TMEM132C: variants seen among roughly 807,000 people sequenced by gnomAD.
The protein encoded by TMEM132C is protein phosphatase 1, regulatory subunit 152.
Under a neutral mutation model 61.4 loss-of-function variants are expected in TMEM132C, and 29 were observed. The observed-to-expected ratio is 0.47, with a 90% CI of 0.35 to 0.64. TMEM132C has a LOEUF of 0.64. TMEM132C is among the 30% of genes least tolerant of loss of function. The probability of loss-of-function intolerance (pLI) is 0.00; values close to 1 mark genes in which losing one functional copy is unlikely to be tolerated. For synonymous variants in TMEM132C, 656 were observed against 633.1 expected (o/e 1.04, Z -0.54); for missense variants, 1,408 against 1,476.9 (o/e 0.95, Z 0.76).
At chr12:128,478,295 T>C (rs1270648489) in intron 2 of TMEM132C, among the ~76,000 whole-genome samples, 1 of 152,216 alleles carries the variant, frequency 6.6e-6, no homozygotes, top group Non-Finnish European at 1.5e-5. Flanking sequence ...TGTTTTTTTA[T>C]TTTTTTATTT....
intron 3 of TMEM132C, among the ~76,000 whole-genome samples, chr12:128,613,807 T>C (rs1452608229): frequency 2.6e-5 from 4 of 152,238 alleles, no homozygotes; most frequent in Non-Finnish European, 5.9e-5. Flanking sequence ...GCCCTGAAGA[T>C]GGAATGGTGC....
chr12:128,361,143 G>A (rs770026706), intron 1 of TMEM132C, among the ~76,000 whole-genome samples: 9 of 152,264 alleles, frequency 5.9e-5, no homozygotes, highest in East Asian at 1.9e-4. Context: ...TCGTTGCTCC[G>A]AGGAACTCAC....
intron 4 of TMEM132C, among the ~76,000 whole-genome samples, chr12:128,625,244 A>G (rs1954004015): frequency 6.6e-6 from 1 of 152,202 alleles, no homozygotes; most frequent in Non-Finnish European, 1.5e-5. Flanking sequence ...TGGTTTATAA[A>G]TAGTGGACAT....
intron 2 of TMEM132C, among the ~76,000 whole-genome samples, chr12:128,475,939 C>G (rs571132759): frequency 2.6e-5 from 4 of 152,182 alleles, no homozygotes; most frequent in Admixed American, 6.5e-5. Flanking sequence ...TTCACTGTCC[C>G]CCATCCGCTT....
chr12:128,447,003 A>G (rs556069340), intron 2 of TMEM132C, among the ~76,000 whole-genome samples: 24 of 152,288 alleles, frequency 1.6e-4, no homozygotes, highest in African/African-American at 3.8e-4. Context: ...AGCAACAGCA[A>G]TTGGTACACG....
intron 1 of TMEM132C, among the ~76,000 whole-genome samples, chr12:128,334,501 A>AT (rs771594263): frequency 1.3e-5 from 2 of 152,148 alleles, no homozygotes; most frequent in Non-Finnish European, 2.9e-5. Flanking sequence ...TTCTAATGTC[A>AT]TTATCAAAAA....
At chr12:128,271,264 TAATATA>T (rs1342780478) in intron 1 of TMEM132C, among the ~76,000 whole-genome samples, 1 of 92,500 alleles carries the variant, frequency 1.1e-5, no homozygotes, top group Non-Finnish European at 2.1e-5. Flanking sequence ...AAAATAATAA[TAATATA>T]ATAATAATAA....
chr12:128,500,596 C>G (rs1441913940), intron 2 of TMEM132C, among the ~76,000 whole-genome samples: 1 of 151,808 alleles, frequency 6.6e-6, no homozygotes, highest in Non-Finnish European at 1.5e-5. Flanking sequence ...AAAATGGTGC[C>G]CAACATCATT....
In TMEM132C at chr12:128,350,857, A is replaced by G. The variant is rs1463994934; in HGVS notation, c.86-63875A>G. The stretch of plus-strand genomic sequence containing the variant: ...TTGCTATATAAAGGCAGTTACATAT[A>G]TTACTAGAGGCACCAGTAGCTTCCA... On this transcript the variant is annotated intron_variant, in intron 1 of 8. Transcript: ENST00000435159. Among the ~76,000 whole-genome samples, 4 of 151,958 alleles carry G rather than the reference A, an allele frequency of 2.6e-5. No individual in the cohort carries two copies. In the South Asian group the frequency reaches 6.2e-4, roughly 24 times the overall value.
At chr12:128,279,671 A>C (rs899549822) in intron 1 of TMEM132C, among the ~76,000 whole-genome samples, 2 of 152,194 alleles carry the variant, frequency 1.3e-5, no homozygotes, top group Non-Finnish European at 2.9e-5. Context: ...AGATACCCTC[A>C]TGACGCACTT....
At chr12:128,371,804 C>T (rs1216525831) in intron 1 of TMEM132C, among the ~76,000 whole-genome samples, 1 of 152,168 alleles carries the variant, frequency 6.6e-6, no homozygotes, top group Non-Finnish European at 1.5e-5. Context: ...GTCTCAAACT[C>T]TTGGCCTCAG....
At chr12:128,304,224 A>C (rs1871685770) in intron 1 of TMEM132C, among the ~76,000 whole-genome samples, 1 of 122,536 alleles carries the variant, frequency 8.2e-6, no homozygotes, top group South Asian at 2.9e-4. Context: ...TTTTTTCTTT[A>C]CCTGAGAATC....
At chr12:128,545,931 C>T (rs1873935859) in intron 3 of TMEM132C, among the ~76,000 whole-genome samples, 1 of 152,166 alleles carries the variant, frequency 6.6e-6, no homozygotes, top group African/African-American at 2.4e-5. Flanking sequence ...AAGAAATAGT[C>T]TATTACTGGA....
At position 128,290,085 on chromosome 12, in the gene TMEM132C, G is replaced by T. The variant is rs555060987; in HGVS notation, c.85+22598G>T. On this transcript the variant is annotated intron_variant, in intron 1 of 8. Coordinates refer to ENST00000435159, the MANE Select transcript of TMEM132C (RefSeq NM_001136103.3). ...GAATTACTTTCTGAAATTCTGAAAG[G>T]CTGGATCCAAAGGTGCAGAAAGGAA... 3.3e-5 allele frequency among the ~76,000 whole-genome samples: 5 copies of T among 152,294 alleles called. No individual in the cohort carries two copies. The South Asian group carries it at 1.0e-3, about 32-fold the overall frequency.
intron 2 of TMEM132C, among the ~76,000 whole-genome samples, chr12:128,535,594 T>G (rs1485198656): frequency 2.0e-5 from 3 of 152,030 alleles, no homozygotes; most frequent in Non-Finnish European, 4.4e-5. Context: ...AACAGGCCGG[T>G]GCAGTGGCTC....
chr12:128,686,446 T>C (rs1031637116), intron 5 of TMEM132C, among the ~76,000 whole-genome samples: 3 of 152,174 alleles, frequency 2.0e-5, no homozygotes, highest in African/African-American at 7.2e-5. Context: ...CTTTTTTAAT[T>C]ACTGGGCATG....
chr12:128,402,629 G>A (rs566969537), intron 1 of TMEM132C, among the ~76,000 whole-genome samples: 3 of 122,616 alleles, frequency 2.4e-5, no homozygotes, highest in Admixed American at 9.0e-5. Context: ...ACCTGCAGAC[G>A]GACCTCGGTT....
At chr12:128,484,226 A>C (rs1274778226) in intron 2 of TMEM132C, among the ~76,000 whole-genome samples, 1 of 152,212 alleles carries the variant, frequency 6.6e-6, no homozygotes, top group East Asian at 1.9e-4. Context: ...ACGACATTCT[A>C]AGTTGCTTTC....
At chr12:128,500,961 A>G (rs1170599969) in intron 2 of TMEM132C, among the ~76,000 whole-genome samples, 1 of 152,234 alleles carries the variant, frequency 6.6e-6, no homozygotes, top group African/African-American at 2.4e-5. Flanking sequence ...AAGAATTGAT[A>G]AGCCAAATTT....
Sources: gnomAD v4.1 joint callset for allele counts (sites outside exome capture counted in the v4.1 genomes callset) on GRCh38, gnomAD v4.1.1 for gene constraint, MANE v1.5 for transcripts, NCBI Gene and HGNC (gene_info 2026-07-23, HGNC 2026-07-21) for gene names.